The following HYDIN variants were observed in gnomAD, a reference collection of about 807,000 sequenced individuals.
HYDIN encodes the protein HYDIN axonemal central pair apparatus protein, also known as axonemal central pair apparatus protein HYDIN.
Under a neutral mutation model 403.9 loss-of-function variants are expected in HYDIN, and 132 were observed. The ratio of observed to expected loss-of-function variants is 0.33; its 90% CI spans 0.28 to 0.38. The LOEUF is 0.38. Ranked by LOEUF, HYDIN falls within the 10% of genes least tolerant of loss-of-function variation. The probability of loss-of-function intolerance (pLI) is 1.00; values close to 1 mark genes in which losing one functional copy is unlikely to be tolerated. For missense variants in HYDIN, 2,827 were observed against 5,009.5 expected (o/e 0.56, Z 13.15); for synonymous variants, 1,202 against 1,891.7 (o/e 0.64, Z 9.46).
rs552256867 is a variant in HYDIN at position 70,860,183 on chromosome 16, G to C, written c.12014C>G (p.Thr4005Ser). Residue 4005 changes from threonine (T) to serine (S), a missense_variant, in exon 71 of 86, where the codon ACC becomes AGC. Transcript: ENST00000393567. ...CCAGCAGAAGGAGTAGGTGCTATTG[G>C]TTGGGTTTAGGATGGTAAAGGTCCT... The part of the protein sequence containing the change: ...NLRTFTILNP[T>S]NSTYSFCWIS... 14 of 1,614,196 alleles carry C rather than the reference G, an allele frequency of 8.7e-6. No individual in the cohort carries two copies. The African/African-American group carries it at 1.5e-4, about 17-fold the overall frequency.
chr16:70,963,328 T>TCGGGG (rs1246065331), intron 37 of HYDIN, among the ~76,000 whole-genome samples: 1 of 147,978 alleles, frequency 6.8e-6, no homozygotes, highest in African/African-American at 2.5e-5. Flanking sequence ...GTGGAAGTCC[T>TCGGGG]AACACCCGAG....
intron 30 of HYDIN, among the ~76,000 whole-genome samples, chr16:70,978,270 C>A (rs1371007697): frequency 6.6e-6 from 1 of 151,058 alleles, no homozygotes; most frequent in Non-Finnish European, 1.5e-5. Flanking sequence ...GACCATTCCA[C>A]TTCTGGAATA....
chr16:71,084,811 G>T lies in HYDIN; in HGVS notation c.1670+3490C>A, dbSNP rs1178899030. Among the ~76,000 whole-genome samples the T allele has an allele frequency of 1.3e-4, 19 of 146,684 alleles. No homozygotes were observed. In the East Asian group the frequency reaches 3.9e-3, roughly 30 times the overall value. ...ACTTTTTTTTTTTAATCATAAAAGG[G>T]TGCTAAATTTTGGTAAATGCTTTTT... On this transcript the variant is annotated intron_variant, in intron 12 of 85. Coordinates refer to ENST00000393567, the MANE Select transcript of HYDIN (RefSeq NM_001270974.2).
At chr16:70,854,061 G>A (rs1299195258) in intron 73 of HYDIN, among the ~76,000 whole-genome samples, 1 of 149,564 alleles carries the variant, frequency 6.7e-6, no homozygotes, top group African/African-American at 2.5e-5. Context: ...TGTAGTTTTA[G>A]TAGAGACGGG....
chr16:71,161,390 G>A lies in HYDIN; in HGVS notation c.716+1141C>T, dbSNP rs1427198143. ...TGCAGCCTGATTCCTAAAAGGCCAC[G>A]GACTGGACCGGTACCAGTTCATGGC... On this transcript the variant is annotated intron_variant, in intron 6 of 85. Transcript: ENST00000393567. 2.6e-5 allele frequency among the ~76,000 whole-genome samples: 4 copies of A among 152,312 alleles called. 1 individual carries two copies. The highest frequency in any genetic ancestry group is 4.8e-5 in the African/African-American group (2 of 41,558).
rs376723579 is a variant in HYDIN at position 70,943,872 on chromosome 16, C to T, written c.6609G>A (p.Gly2203=). Residue 2203 remains glycine, a synonymous_variant, in exon 42 of 86, where the codon GGG becomes GGA. Coordinates refer to ENST00000393567, the MANE Select transcript of HYDIN (RefSeq NM_001270974.2). The part of the protein sequence containing the change: ...SVSPSVGGET[G]LMSCVLPDEL... Reference sequence around the variant, plus strand: ...CATCCGGGAGCACACAGCTCATCAGCCCGGTCTCGCCTCCGACACTGGGAC... The same window carrying T: ...CATCCGGGAGCACACAGCTCATCAGTCCGGTCTCGCCTCCGACACTGGGAC... 15 of 1,613,572 alleles carry T rather than the reference C, an allele frequency of 9.3e-6. No homozygotes were observed. Among genetic ancestry groups the T allele is most frequent in the African/African-American group, 1.3e-5 (1 of 74,918 alleles).
intron 11 of HYDIN, among the ~76,000 whole-genome samples, chr16:71,092,944 A>G (rs2144378604): frequency 6.9e-6 from 1 of 145,070 alleles, no homozygotes; most frequent in Admixed American, 7.1e-5. Flanking sequence ...TGTGTATGAT[A>G]TTAACTACTA....
intron 42 of HYDIN, among the ~76,000 whole-genome samples, chr16:70,942,653 A>C (rs2077719490): frequency 6.6e-6 from 1 of 152,266 alleles, no homozygotes; most frequent in African/African-American, 2.4e-5. Context: ...ATGAGACAAG[A>C]AGCTTGTGTC....
chr16:70,911,534 A>G (rs112794377), intron 47 of HYDIN, among the ~76,000 whole-genome samples: 1 of 118,644 alleles, frequency 8.4e-6, no homozygotes, highest in Non-Finnish European at 1.9e-5. Flanking sequence ...ATAGTTTGAA[A>G]TCAGGTAGTG....
intron 73 of HYDIN, among the ~76,000 whole-genome samples, chr16:70,853,430 T>G (rs1202513633): frequency 2.0e-5 from 3 of 149,656 alleles, no homozygotes; most frequent in African/African-American, 7.5e-5. Flanking sequence ...GTAGCTTTAT[T>G]CATAACAGCC....
chr16:71,066,865 C>T (rs1454037460), intron 15 of HYDIN: 1 of 503,760 alleles, frequency 2.0e-6, no homozygotes, highest in South Asian at 1.5e-5. Context: ...GGGCAGGGAC[C>T]TCTTGGCTCT....
intron 32 of HYDIN, 95 bp downstream of exon 32, chr16:70,974,439 A>G: frequency 6.9e-7 from 1 of 1,441,106 alleles, no homozygotes; most frequent in South Asian, 1.4e-5. Context: ...AGCTGATCCC[A>G]GAGGCACAAA....
intron 29 of HYDIN, among the ~76,000 whole-genome samples, chr16:70,979,760 C>T (rs1407679778): frequency 1.3e-5 from 2 of 152,152 alleles, no homozygotes; most frequent in African/African-American, 4.8e-5. Context: ...GACAAAACCC[C>T]GTCTCTACAA....
At chr16:70,937,856 C>A (rs1363183366) in intron 44 of HYDIN, among the ~76,000 whole-genome samples, 1 of 150,998 alleles carries the variant, frequency 6.6e-6, no homozygotes. Flanking sequence ...CACTGCCCCC[C>A]ACCCCATCCC....
chr16:71,059,378 G>A (rs112320193), intron 18 of HYDIN, among the ~76,000 whole-genome samples: 4,401 of 152,146 alleles, frequency 0.029, 188 homozygotes, highest in African/African-American at 0.1. Context: ...TTATGCAAAT[G>A]CCATTTATTG....
intron 55 of HYDIN, chr16:70,894,195 A>G (rs1195269524): frequency 1.8e-5 from 10 of 570,982 alleles, no homozygotes; most frequent in Non-Finnish European, 3.0e-5. Context: ...CAGAGTTGAG[A>G]GCAGTGTGAG....
rs552803669 is a variant in HYDIN, at chr16:70,882,937, T to G, written c.9980-42A>C. The G allele has an allele frequency of 2.0e-4, 287 of 1,459,598 alleles. 4 individuals are homozygous for G. The Admixed American group carries it at 4.8e-3, about 24-fold the overall frequency. 90.4% of individuals were successfully genotyped at this position (1,459,598 alleles called of 1,614,324 possible). A position where few individuals can be genotyped will look rare whatever the true frequency, so the allele number is the denominator to read the frequency against. The stretch of plus-strand genomic sequence containing the variant: ...AGACCATGAGATGCTGCCTGATTGC[T>G]GGATTCCCACTCTGTGATTCCTAAT... On this transcript the variant is annotated intron_variant, in intron 59 of 85. Coordinates refer to ENST00000393567, the MANE Select transcript of HYDIN (RefSeq NM_001270974.2).
intron 1 of HYDIN, among the ~76,000 whole-genome samples, chr16:71,204,507 A>C (rs1198499896): frequency 6.6e-6 from 1 of 152,240 alleles, no homozygotes; most frequent in African/African-American, 2.4e-5. Flanking sequence ...ACTGGCTCTT[A>C]TACATCCTTA....
chr16:70,996,966 A>G (rs1189621834), intron 23 of HYDIN, among the ~76,000 whole-genome samples: 1 of 149,546 alleles, frequency 6.7e-6, no homozygotes, highest in Non-Finnish European at 1.5e-5. Context: ...TATACAACTC[A>G]CCATCATGTA....
Sources: gnomAD v4.1 joint callset for allele counts (sites outside exome capture counted in the v4.1 genomes callset) on GRCh38, gnomAD v4.1.1 for gene constraint, MANE v1.5 for transcripts, NCBI Gene and HGNC (gene_info 2026-07-23, HGNC 2026-07-21) for gene names.